MCM2: variants seen among roughly 807,000 people sequenced by gnomAD.
MCM2 encodes minichromosome maintenance complex component 2, also known as DNA replication licensing factor MCM2.
In MCM2, 49 loss-of-function variants were observed where a neutral mutation model predicts 86.4. That is an observed-to-expected ratio of 0.57 (90% confidence interval 0.45 to 0.72). The LOEUF (loss-of-function observed/expected upper bound fraction) is 0.72. Among genes scored for constraint, MCM2 ranks in the 30% least tolerant of loss-of-function variants. The pLI is 0.00. For synonymous variants in MCM2, 475 were observed against 484.6 expected, an observed-to-expected ratio of 0.98 and a Z score of 0.26; for missense variants, 1,038 against 1,259.9, an observed-to-expected ratio of 0.82 and a Z score of 2.67.
At chr3:127,598,943 C>G (rs2074280529) in intron 1 of MCM2, 1 of 356,696 alleles carries the variant, frequency 2.8e-6, no homozygotes, top group Non-Finnish European at 5.1e-6. Context: ...CCATCTCTAT[C>G]ACAATACCTT....
At chr3:127,601,807 A>G (rs942212920) in intron 2 of MCM2, among the ~76,000 whole-genome samples, 1 of 152,228 alleles carries the variant, frequency 6.6e-6, no homozygotes, top group African/African-American at 2.4e-5. Flanking sequence ...CACCAGCAAC[A>G]CATGAGGGTT....
chr3:127,605,059 G>A lies in MCM2; in HGVS notation c.576G>A (p.Arg192=). 2 of 1,613,930 alleles carry A rather than the reference G, an allele frequency of 1.2e-6. No individual in the cohort carries two copies. The highest frequency in any genetic ancestry group is 1.7e-6 in the Non-Finnish European group (2 of 1,179,978). The part of the protein sequence containing the change: ...VREWVSMAGP[R]LEIHHRFKNF... Reference sequence around the variant, plus strand: ...AGTGGGTGAGCATGGCGGGCCCCCGGCTGGAGATCCACCACCGCTTCAAGA... The same window carrying A: ...AGTGGGTGAGCATGGCGGGCCCCCGACTGGAGATCCACCACCGCTTCAAGA... Residue 192 remains arginine (R), a synonymous_variant, in exon 4 of 16, where the codon CGG becomes CGA. Transcript: ENST00000265056.
At chr3:127,599,019 T>C (rs1297013061) in intron 1 of MCM2, 1 of 498,032 alleles carries the variant, frequency 2.0e-6, no homozygotes, top group Middle Eastern at 5.3e-4. Context: ...AACAGGTAAA[T>C]AGGCAAATGA....
intron 15 of MCM2, 67 bp from the exon 16 acceptor site, chr3:127,621,596 C>A: frequency 2.9e-6 from 3 of 1,026,552 alleles, no homozygotes; most frequent in South Asian, 1.4e-5. Flanking sequence ...TGCACTGTAA[C>A]TGGGGCGCTC....
At chr3:127,610,359 G>T (rs17538544) in intron 8 of MCM2, among the ~76,000 whole-genome samples, 7,596 of 152,228 alleles carry the variant, frequency 0.05, 613 homozygotes, top group African/African-American at 0.17. Context: ...AGGAGGCCCT[G>T]AGTAATTTTG....
intron 2 of MCM2, 146 bp downstream of exon 2, chr3:127,599,693 A>G: frequency 1.4e-6 from 1 of 697,542 alleles, no homozygotes; most frequent in Non-Finnish European, 2.4e-6. Flanking sequence ...TTCTGAGGAG[A>G]CAGGTTTACA....
Position 127,617,225 on chromosome 3 carries a change from A to T in MCM2, c.1774-54A>T. On this transcript the variant is annotated intron_variant, in intron 10 of 15. Coordinates refer to ENST00000265056, the MANE Select transcript of MCM2 (RefSeq NM_004526.4). The surrounding 1 kb of genome is among the most constrained non-coding windows in gnomAD (Gnocchi z 4.1). ...GGGGTCCATTGGGACCTCATCGGAG[A>T]CTTAGTAGTAGGGGCGTGAACCATG... The T allele has an allele frequency of 6.2e-7, 1 of 1,608,844 alleles. No homozygotes were observed.
intron 8 of MCM2, among the ~76,000 whole-genome samples, chr3:127,615,387 T>C (rs2074425618): frequency 6.6e-6 from 1 of 152,226 alleles, no homozygotes. Flanking sequence ...TGGAATTACT[T>C]CCTGGTGGAC....
chr3:127,618,160 C>A lies in MCM2; in HGVS notation c.2013+79C>A. 8.9e-7 allele frequency: 1 copy of A among 1,121,552 alleles called. No homozygotes were observed. The highest frequency in any genetic ancestry group is 2.5e-5 in the East Asian group (1 of 40,580). 69.5% of individuals were successfully genotyped at this position (1,121,552 alleles called of 1,614,324 possible). On this transcript the variant is annotated intron_variant, in intron 12 of 15. Transcript: ENST00000265056. This position sits in a 1 kb window ranked among gnomAD's most constrained non-coding sequence, Gnocchi z 4.0. ...GAGGCTTGGGGTCATACAGTGTGCC[C>A]AACACAGGGGACAGGTGCTGCAGGG...
At position 127,618,014 on chromosome 3, in the gene MCM2, T is replaced by A; in HGVS notation, c.1946T>A (p.Leu649His). 6.2e-7 allele frequency: 1 copy of A among 1,614,106 alleles called. No individual in the cohort carries two copies. Among genetic ancestry groups the A allele is most frequent in the Non-Finnish European group, 8.5e-7 (1 of 1,179,998 alleles). Residue 649 changes from leucine to histidine, a missense_variant, in exon 12 of 16, where the codon CTC becomes CAC. This residue lies in a region of MCM2 where 336 missense variants were observed against 425.7 expected (regional missense o/e 0.79). Transcript: ENST00000265056. This position sits in a 1 kb window ranked among gnomAD's most constrained non-coding sequence, Gnocchi z 4.0. ...PSLTFSENVDLTEPIISRFDI... is the reference protein window; with the variant it reads ...PSLTFSENVDHTEPIISRFDI... ...CTGACTTTCTCTGAGAACGTGGACC[T>A]CACAGAGCCCATCATCTCACGCTTT...
At position 127,606,198 on chromosome 3, in the gene MCM2, C is replaced by T. The variant is rs775724215; in HGVS notation, c.754C>T (p.Pro252Ser). ...HVLAYFLPEA[P>S]AELLQIFDEA... ...GCTGGCCTACTTCCTGCCTGAGGCA[C>T]CGGCGGAGCTGCTGCAGATCTTTGA... Residue 252 changes from proline (P) to serine (S), a missense_variant, in exon 5 of 16, where the codon CCG (proline) becomes TCG (serine). Around this residue, in one of 4 missense-constraint regions of MCM2, gnomAD observed 399 missense variants for 507.2 expected, o/e 0.79. Coordinates refer to ENST00000265056, the MANE Select transcript of MCM2 (RefSeq NM_004526.4). The surrounding 1 kb of genome is among the most constrained non-coding windows in gnomAD (Gnocchi z 4.2). 4.3e-6 allele frequency: 7 copies of T among 1,614,228 alleles called. No individual in the cohort carries two copies. The highest frequency in any genetic ancestry group is 5.1e-6 in the Non-Finnish European group (6 of 1,180,038).
chr3:127,622,131 T>G lies in MCM2; in HGVS notation c.*358T>G, dbSNP rs1277680913. On this transcript the variant is annotated 3_prime_UTR_variant, in exon 16 of 16. Coordinates refer to ENST00000265056, the MANE Select transcript of MCM2 (RefSeq NM_004526.4). ...ATGGATGTCAGGAGAGCTGCTGCCCTCTTGGCGTGAGTTGCGTATTCAGGC... is the reference window on the plus strand; with the variant it reads ...ATGGATGTCAGGAGAGCTGCTGCCCGCTTGGCGTGAGTTGCGTATTCAGGC... 5.7e-6 allele frequency: 1 copy of G among 176,862 alleles called. No individual in the cohort carries two copies. Among genetic ancestry groups the G allele is most frequent in the Admixed American group, 6.2e-5 (1 of 16,126 alleles). 11.0% of individuals were successfully genotyped at this position (176,862 alleles called of 1,614,324 possible). A position where few individuals can be genotyped will look rare whatever the true frequency, so the allele number is the denominator to read the frequency against.
Position 127,617,231 on chromosome 3 carries a change from T to A in MCM2, c.1774-48T>A. 6.2e-7 allele frequency: 1 copy of A among 1,610,420 alleles called. No homozygotes were observed. Among genetic ancestry groups the A allele is most frequent in the Non-Finnish European group, 8.5e-7 (1 of 1,177,336 alleles). ...CATTGGGACCTCATCGGAGACTTAG[T>A]AGTAGGGGCGTGAACCATGCTAAGG... On this transcript the variant is annotated intron_variant, in intron 10 of 15. Transcript: ENST00000265056. This position sits in a 1 kb window ranked among gnomAD's most constrained non-coding sequence, Gnocchi z 4.1.
Position 127,606,093 on chromosome 3 carries a change from C to G in MCM2, c.674-25C>G. On this transcript the variant is annotated intron_variant, in intron 4 of 15. Transcript: ENST00000265056. This position sits in a 1 kb window ranked among gnomAD's most constrained non-coding sequence, Gnocchi z 4.2. ...GCCCAGGCCTCATGCTTAGTTAACT[C>G]TCTTCCCACTGTGCCCCCTTCTAGA... is the stretch of plus-strand genomic sequence containing the variant. The G allele has an allele frequency of 6.3e-7, 1 of 1,590,888 alleles. No homozygotes were observed. The highest frequency in any genetic ancestry group is 8.6e-7 in the Non-Finnish European group (1 of 1,158,962).
chr3:127,612,144 G>A (rs995997020), intron 8 of MCM2, among the ~76,000 whole-genome samples: 8 of 152,190 alleles, frequency 5.3e-5, no homozygotes, highest in Non-Finnish European at 8.8e-5. Flanking sequence ...TAACGCTGAC[G>A]GAGCTGAGGC....
intron 8 of MCM2, among the ~76,000 whole-genome samples, chr3:127,610,140 G>A (rs1013415477): frequency 2.6e-5 from 4 of 152,060 alleles, no homozygotes; most frequent in Non-Finnish European, 5.9e-5. Context: ...CACCACGCCC[G>A]GCCTTCAAGT....
At chr3:127,613,091 C>G (rs921561918) in intron 8 of MCM2, among the ~76,000 whole-genome samples, 6 of 152,204 alleles carry the variant, frequency 3.9e-5, no homozygotes, top group African/African-American at 1.2e-4. Flanking sequence ...CACATTTGCG[C>G]TGCTTGCCCT....
chr3:127,611,121 C>A, intron 8 of MCM2: 1 of 379,124 alleles, frequency 2.6e-6, no homozygotes, highest in Admixed American at 3.1e-5. Context: ...AAAGCCAGGA[C>A]CTCCCAGCCT....
chr3:127,611,855 C>T (rs1019160901), intron 8 of MCM2, among the ~76,000 whole-genome samples: 8 of 148,326 alleles, frequency 5.4e-5, no homozygotes, highest in Admixed American at 3.3e-4. Context: ...CCCGCCACTA[C>T]GCCCGGCTAA....
Sources: allele counts gnomAD v4.1 joint callset (sites outside exome capture counted in the v4.1 genomes callset), GRCh38; gene constraint gnomAD v4.1.1; regional missense constraint gnomAD v4.1.1; non-coding constraint Gnocchi (gnomAD v3.1); transcripts MANE v1.5; gene names NCBI Gene and HGNC (gene_info 2026-07-23, HGNC 2026-07-21).